ANGPT1: variants seen among roughly 807,000 people sequenced by gnomAD.
ANGPT1 encodes angiopoietin-1.
ANGPT1 carries 17 observed loss-of-function variants against 62.2 expected under a neutral mutation model. That is an observed-to-expected ratio of 0.27 (90% CI 0.19 to 0.41). The LOEUF (loss-of-function observed/expected upper bound fraction) is 0.41. Among genes scored for constraint, ANGPT1 ranks in the 10% least tolerant of loss-of-function variants. ANGPT1 has a pLI of 1.00. For synonymous variants in ANGPT1, 199 were observed against 198.9 expected (o/e 1.00, Z 0.00); for missense variants, 478 against 594.9 (o/e 0.80, Z 2.04).
intron 1 of ANGPT1, among the ~76,000 whole-genome samples, chr8:107,470,640 A>C (rs1039591149): frequency 6.6e-6 from 1 of 152,106 alleles, no homozygotes; most frequent in Non-Finnish European, 1.5e-5. Context: ...GTTTAATTAG[A>C]TCCCATTTGT....
rs142974411 is a variant in ANGPT1 at position 107,297,503 on chromosome 8, C to T, written c.937-3466G>A. 4.6e-4 allele frequency among the ~76,000 whole-genome samples: 69 copies of T among 150,974 alleles called. No individual in the cohort carries two copies. The East Asian group carries it at 0.012, about 26-fold the overall frequency. On this transcript the variant is annotated intron_variant, in intron 5 of 8. Transcript: ENST00000517746. ...GATGACATAATATATGTTTATGCTA[C>T]GCATTATACACTCTATGTATATAAT...
chr8:107,299,205 T>C (rs1013649151), intron 5 of ANGPT1, among the ~76,000 whole-genome samples: 1 of 151,224 alleles, frequency 6.6e-6, no homozygotes, highest in African/African-American at 2.4e-5. Flanking sequence ...TCAATTATCG[T>C]TAACATAAAT....
chr8:107,465,504 C>T (rs1209752762), intron 1 of ANGPT1, among the ~76,000 whole-genome samples: 1 of 151,998 alleles, frequency 6.6e-6, no homozygotes, highest in African/African-American at 2.4e-5. Context: ...CCGTATTTCA[C>T]AATAAAACAT....
chr8:107,478,341 G>A (rs914059400), intron 1 of ANGPT1, among the ~76,000 whole-genome samples: 2 of 151,608 alleles, frequency 1.3e-5, no homozygotes, highest in African/African-American at 2.4e-5. Flanking sequence ...CTGAGGTCAG[G>A]AGCTCGAGAC....
At chr8:107,340,693 C>T (rs1042071825) in intron 2 of ANGPT1, among the ~76,000 whole-genome samples, 1 of 151,168 alleles carries the variant, frequency 6.6e-6, no homozygotes, top group South Asian at 2.1e-4. Context: ...AGGGCTCTGC[C>T]ATGTTGCCCA....
chr8:107,343,043 C>G (rs546078878), intron 2 of ANGPT1, among the ~76,000 whole-genome samples: 3 of 149,362 alleles, frequency 2.0e-5, no homozygotes, highest in African/African-American at 5.0e-5. Flanking sequence ...CTATTTTGCC[C>G]AGGCTGGTGT....
chr8:107,448,357 A>T (rs773492576), intron 1 of ANGPT1, among the ~76,000 whole-genome samples: 1 of 152,204 alleles, frequency 6.6e-6, no homozygotes. Flanking sequence ...CTATATTGAC[A>T]GAACAAATTA....
chr8:107,317,983 T>A (rs1815060008), intron 4 of ANGPT1, among the ~76,000 whole-genome samples: 1 of 152,208 alleles, frequency 6.6e-6, no homozygotes, highest in Non-Finnish European at 1.5e-5. Flanking sequence ...CCTGAAAGAT[T>A]CCAAACCTTG....
intron 3 of ANGPT1, among the ~76,000 whole-genome samples, chr8:107,335,445 T>C (rs1273279158): frequency 2.0e-5 from 3 of 152,212 alleles, no homozygotes; most frequent in African/African-American, 7.2e-5. Flanking sequence ...TGTTTTGAAT[T>C]GTTCATCATC....
intron 5 of ANGPT1, among the ~76,000 whole-genome samples, chr8:107,299,478 G>T (rs1814508808): frequency 7.6e-6 from 1 of 130,860 alleles, no homozygotes; most frequent in African/African-American, 2.8e-5. Context: ...TATATACTAA[G>T]CATATATATA....
intron 1 of ANGPT1, among the ~76,000 whole-genome samples, chr8:107,382,934 G>C (rs1816666994): frequency 6.6e-6 from 1 of 152,166 alleles, no homozygotes; most frequent in South Asian, 2.1e-4. Context: ...TGAGTGGTTG[G>C]TTATATCTTA....
chr8:107,376,375 A>G (rs1816530861), intron 1 of ANGPT1, among the ~76,000 whole-genome samples: 1 of 152,100 alleles, frequency 6.6e-6, no homozygotes, highest in Non-Finnish European at 1.5e-5. Context: ...TTTCCAGGAG[A>G]GATTGCTGCA....
chr8:107,497,227 G>C (rs1318231751), intron 1 of ANGPT1, 35 bp downstream of exon 1: 1 of 1,600,402 alleles, frequency 6.2e-7, no homozygotes, highest in Non-Finnish European at 8.5e-7. Flanking sequence ...AAGGAAAAAG[G>C]TCCGTGCTAT....
intron 7 of ANGPT1, among the ~76,000 whole-genome samples, chr8:107,269,926 T>A (rs1813700811): frequency 6.6e-6 from 1 of 152,084 alleles, no homozygotes; most frequent in African/African-American, 2.4e-5. Flanking sequence ...AAATTAGTCA[T>A]TATTCTCTAG....
intron 4 of ANGPT1, among the ~76,000 whole-genome samples, chr8:107,307,650 T>A: frequency 6.6e-6 from 1 of 152,104 alleles, no homozygotes; most frequent in East Asian, 1.9e-4. Flanking sequence ...CTTTTATCGG[T>A]TTATTTTCCT....
chr8:107,321,830 T>A (rs1815156332), intron 4 of ANGPT1, 66 bp downstream of exon 4: 11 of 1,388,608 alleles, frequency 7.9e-6, no homozygotes, highest in African/African-American at 1.4e-5. Context: ...GAAAGCTATA[T>A]TGAGTATTTA....
chr8:107,427,173 A>G (rs1426825130), intron 1 of ANGPT1, among the ~76,000 whole-genome samples: 2 of 152,174 alleles, frequency 1.3e-5, no homozygotes, highest in Non-Finnish European at 2.9e-5. Context: ...AACTGTACTC[A>G]GGACCAGCTT....
intron 1 of ANGPT1, among the ~76,000 whole-genome samples, chr8:107,369,456 G>T (rs892682263): frequency 6.6e-6 from 1 of 152,164 alleles, no homozygotes; most frequent in African/African-American, 2.4e-5. Flanking sequence ...GTATTCACTG[G>T]AATAGTATTT....
At chr8:107,376,125 A>T (rs954707105) in intron 1 of ANGPT1, among the ~76,000 whole-genome samples, 4 of 152,150 alleles carry the variant, frequency 2.6e-5, no homozygotes, top group African/African-American at 4.8e-5. Context: ...TCATGTCATG[A>T]CATTTAACCT....
Sources: allele counts gnomAD v4.1 joint callset (sites outside exome capture counted in the v4.1 genomes callset), GRCh38; gene constraint gnomAD v4.1.1; transcripts MANE v1.5; gene names NCBI Gene and HGNC (gene_info 2026-07-23, HGNC 2026-07-21).